PLA2G4A: variants seen among roughly 807,000 people sequenced by gnomAD.
PLA2G4A encodes cytosolic phospholipase A2.
Under a neutral mutation model 81.9 loss-of-function variants are expected in PLA2G4A, and 40 were observed. That is an observed-to-expected ratio of 0.49 (90% CI 0.38 to 0.64). The LOEUF is 0.64. Ranked by LOEUF, PLA2G4A falls within the 30% of genes least tolerant of loss-of-function variation. The pLI is 0.00. For synonymous variants in PLA2G4A, 302 were observed against 296.9 expected (o/e 1.02, Z -0.18); for missense variants, 715 against 905.1 (o/e 0.79, Z 2.69).
chr1:186,874,367 C>G (rs927658420), intron 3 of PLA2G4A, among the ~76,000 whole-genome samples: 1 of 46,248 alleles, frequency 2.2e-5, no homozygotes, highest in African/African-American at 1.1e-4. Flanking sequence ...TACTGAATTT[C>G]TGCTTCTTTT....
chr1:186,851,597 A>C (rs1369428668), intron 1 of PLA2G4A, among the ~76,000 whole-genome samples: 2 of 152,026 alleles, frequency 1.3e-5, no homozygotes, highest in East Asian at 3.9e-4. Flanking sequence ...ATCACTTTAA[A>C]AATGTTGTAA....
At chr1:186,947,030 A>G in intron 12 of PLA2G4A, 69 bp downstream of exon 12, 1 of 850,804 alleles carries the variant, frequency 1.2e-6, no homozygotes, top group Non-Finnish European at 2.0e-6. Context: ...ACATATATAG[A>G]GAGAATATTA....
intron 7 of PLA2G4A, among the ~76,000 whole-genome samples, chr1:186,930,786 C>T (rs555966727): frequency 1.3e-5 from 2 of 152,250 alleles, no homozygotes; most frequent in South Asian, 2.1e-4. Flanking sequence ...ATCCTATTTT[C>T]CCAACTCCCT....
chr1:186,935,987 C>G (rs1320579971), intron 8 of PLA2G4A, among the ~76,000 whole-genome samples: 1 of 151,738 alleles, frequency 6.6e-6, no homozygotes, highest in Non-Finnish European at 1.5e-5. Context: ...TAAGTATTAG[C>G]CAACCTGGAG....
intron 1 of PLA2G4A, 60 bp from the exon 2 acceptor site, chr1:186,854,226 T>C (rs375303084): frequency 1.5e-6 from 1 of 678,512 alleles, no homozygotes; most frequent in Non-Finnish European, 2.7e-6. Context: ...CTCATAATTG[T>C]TTAAATCTTA....
At chr1:186,939,928 T>G in intron 9 of PLA2G4A, 52 bp from the exon 10 acceptor site, 1 of 842,888 alleles carries the variant, frequency 1.2e-6, no homozygotes, top group Non-Finnish European at 2.1e-6. Flanking sequence ...TAGCATTCTT[T>G]CTGTGTCTGT....
rs147458612 is a variant in PLA2G4A, at chr1:186,881,530, G to T, written c.115+11014G>T. Among the ~76,000 whole-genome samples, 53 of 152,156 alleles carry T rather than the reference G, an allele frequency of 3.5e-4. 1 individual carries two copies. The East Asian group carries it at 9.9e-3, about 28-fold the overall frequency. ...CTATAGCCATAACGCTTATAATTTT[G>T]ATCTCTTTCTGGAGGGAGCAGGGGC... is the stretch of plus-strand genomic sequence containing the variant. On this transcript the variant is annotated intron_variant, in intron 3 of 17. Coordinates refer to ENST00000367466, the MANE Select transcript of PLA2G4A (RefSeq NM_024420.3).
intron 13 of PLA2G4A, among the ~76,000 whole-genome samples, chr1:186,950,962 A>G (rs12720643): frequency 3.3e-5 from 5 of 152,178 alleles, no homozygotes; most frequent in African/African-American, 9.7e-5. Context: ...TATAAGTTGA[A>G]CAAATGAACA....
intron 7 of PLA2G4A, among the ~76,000 whole-genome samples, chr1:186,920,660 A>G (rs1390588010): frequency 6.6e-6 from 1 of 152,140 alleles, no homozygotes; most frequent in East Asian, 1.9e-4. Context: ...TCCTTACAGT[A>G]GGCGCATTGG....
chr1:186,967,907 A>G (rs990393596), intron 15 of PLA2G4A, among the ~76,000 whole-genome samples: 5 of 152,090 alleles, frequency 3.3e-5, no homozygotes, highest in South Asian at 2.1e-4. Flanking sequence ...TAATCTGACA[A>G]TGGAAAGTAG....
chr1:186,961,506 TAAC>T (rs139108674), intron 14 of PLA2G4A, among the ~76,000 whole-genome samples: 145,738 of 152,132 alleles, frequency 0.96, 69,853 homozygotes, highest in East Asian at 1. Context: ...AAAAATAAAA[TAAC>T]AATAAAAGGA....
chr1:186,841,249 T>C (rs1258740787), intron 1 of PLA2G4A, among the ~76,000 whole-genome samples: 1 of 152,250 alleles, frequency 6.6e-6, no homozygotes, highest in Non-Finnish European at 1.5e-5. Context: ...GTGATTCTTT[T>C]TGAGCTTTAT....
chr1:186,939,441 AT>A (rs1656068220), intron 9 of PLA2G4A, among the ~76,000 whole-genome samples: 1 of 151,160 alleles, frequency 6.6e-6, no homozygotes, highest in Non-Finnish European at 1.5e-5. Context: ...CATTTCAATG[AT>A]GTAAAGATTT....
intron 6 of PLA2G4A, 40 bp downstream of exon 6, chr1:186,907,042 T>C: frequency 9.5e-7 from 1 of 1,050,278 alleles, no homozygotes; most frequent in East Asian, 2.4e-5. Context: ...ATATTGTGAG[T>C]GATCCACTAA....
intron 5 of PLA2G4A, among the ~76,000 whole-genome samples, chr1:186,905,972 A>G (rs1463690450): frequency 1.3e-5 from 2 of 152,220 alleles, no homozygotes; most frequent in South Asian, 4.1e-4. Flanking sequence ...GAAACTCAAG[A>G]GGGTAAATCT....
Position 186,893,059 on chromosome 1 carries a change from A to C in PLA2G4A, c.164A>C (p.Asp55Ala). ...GAACTTTTTATCTCTACAACCCCTG[A>C]CAGCAGGAAGAGAACAAGACATTTC... ...YVELFISTTPDSRKRTRHFNN... is the reference protein window; with the variant it reads ...YVELFISTTPASRKRTRHFNN... Residue 55 changes from aspartate (D) to alanine (A), a missense_variant, in exon 4 of 18, where the codon GAC (aspartate) becomes GCC (alanine). Physicochemically the swap from Asp to Ala is moderately radical, Grantham distance 126. Transcript: ENST00000367466. The C allele has an allele frequency of 6.2e-7, 1 of 1,610,174 alleles. No individual in the cohort carries two copies. The highest frequency in any genetic ancestry group is 1.1e-5 in the South Asian group (1 of 91,006).
intron 3 of PLA2G4A, among the ~76,000 whole-genome samples, chr1:186,872,281 G>A (rs553890392): frequency 6.6e-6 from 1 of 151,900 alleles, no homozygotes. Flanking sequence ...TGAAAGAAAG[G>A]CCCCTGCGAA....
At chr1:186,830,960 TTC>T (rs1553266588) in intron 1 of PLA2G4A, among the ~76,000 whole-genome samples, 1 of 33,742 alleles carries the variant, frequency 3.0e-5, no homozygotes, top group Non-Finnish European at 6.3e-5. Flanking sequence ...CTTGCTTGCT[TTC>T]TTTCTTTCTT....
intron 10 of PLA2G4A, among the ~76,000 whole-genome samples, chr1:186,945,550 C>G (rs944872788): frequency 6.6e-6 from 1 of 152,064 alleles, no homozygotes; most frequent in Non-Finnish European, 1.5e-5. Flanking sequence ...TGTATCAGTA[C>G]GATCACAGTG....
Sources: gnomAD v4.1 joint callset for allele counts (sites outside exome capture counted in the v4.1 genomes callset) on GRCh38, gnomAD v4.1.1 for gene constraint, MANE v1.5 for transcripts, NCBI Gene and HGNC (gene_info 2026-07-23, HGNC 2026-07-21) for gene names.